Variants in IER5L observed in about 807,000 individuals in gnomAD.
IER5L encodes the protein immediate early response 5 like.
In IER5L, 6 loss-of-function variants were observed where a neutral mutation model predicts 28.3. That is an observed-to-expected ratio of 0.21 (90% confidence interval 0.12 to 0.42). The LOEUF (loss-of-function observed/expected upper bound fraction) is 0.42, where lower values mean the gene tolerates loss of function less well. Ranked by LOEUF, IER5L falls within the 10% of genes least tolerant of loss-of-function variation. The pLI is 1.00. For synonymous variants in IER5L, 351 were observed against 282.5 expected (o/e 1.24, Z -2.43); for missense variants, 607 against 575.2 (o/e 1.06, Z -0.56).
At position 129,176,566 on chromosome 9, in the gene IER5L, A is replaced by G. The variant is rs1829400294; in HGVS notation, c.*272T>C. 4.0e-6 allele frequency: 1 copy of G among 249,734 alleles called. No homozygotes were observed. The highest frequency in any genetic ancestry group is 7.4e-6 in the Non-Finnish European group (1 of 135,450). 15.5% of individuals were successfully genotyped at this position (249,734 alleles called of 1,614,324 possible). On this transcript the variant is annotated 3_prime_UTR_variant, in exon 1 of 1. Coordinates refer to ENST00000372491, the MANE Select transcript of IER5L (RefSeq NM_203434.3). The stretch of plus-strand genomic sequence containing the variant: ...TAGGCTCCTCGCTAAACACCACTGC[A>G]ATCACTACAATAAAAAGAAAAAAAG...
chr9:129,177,132 G>T lies in IER5L; in HGVS notation c.921C>A (p.Gly307=). 1 of 1,468,878 alleles carries T rather than the reference G, an allele frequency of 6.8e-7. No individual in the cohort carries two copies. Among genetic ancestry groups the T allele is most frequent in the South Asian group, 1.4e-5 (1 of 71,004 alleles). 91.0% of individuals were successfully genotyped at this position (1,468,878 alleles called of 1,614,324 possible). A position where few individuals can be genotyped will look rare whatever the true frequency, so the allele number is the denominator to read the frequency against. The part of the protein sequence containing the change: ...AAGCKRKYYP[G]QEEEEDDEED... Reference sequence around the variant, plus strand: ...CCTCGTCGTCTTCCTCCTCCTCCTGGCCAGGGTAATACTTGCGCTTGCAGC... The same window carrying T: ...CCTCGTCGTCTTCCTCCTCCTCCTGTCCAGGGTAATACTTGCGCTTGCAGC... The change falls in exon 1 of 1, where the codon GGC becomes GGA. Residue 307 remains glycine, a synonymous_variant. Coordinates refer to ENST00000372491, the MANE Select transcript of IER5L (RefSeq NM_203434.3).
Position 129,177,598 on chromosome 9 carries a change from G to A in IER5L, c.455C>T (p.Ala152Val), listed in dbSNP as rs1189442217. The A allele has an allele frequency of 7.9e-5, 80 of 1,006,680 alleles. No individual in the cohort carries two copies. The highest frequency in any genetic ancestry group is 9.2e-5 in the Non-Finnish European group (78 of 850,406). The allele number at this position is 1,006,680 out of a possible 1,614,324, so 62.4% of individuals were successfully genotyped here. The change falls in exon 1 of 1, where the codon GCG becomes GTG. Residue 152 changes from alanine to valine, a missense_variant. Physicochemically the swap from Ala to Val is moderately conservative, Grantham distance 64 (BLOSUM62 0). Coordinates refer to ENST00000372491, the MANE Select transcript of IER5L (RefSeq NM_203434.3). ...GGCGCACCCGGGCAGCTCCGAGAGC[G>A]CCCCCGCGCCGCCCGCGGGCGCTCC... is the stretch of plus-strand genomic sequence containing the variant. ...AAGAPAGGAG[A>V]LSELPGCAAL...
At position 129,176,619 on chromosome 9, in the gene IER5L, A is replaced by C. The variant is rs1829401156; in HGVS notation, c.*219T>G. On this transcript the variant is annotated 3_prime_UTR_variant, in exon 1 of 1. Coordinates refer to ENST00000372491, the MANE Select transcript of IER5L (RefSeq NM_203434.3). The stretch of plus-strand genomic sequence containing the variant: ...GTAGGAGAAACACAAAGCATACTTA[A>C]ATAGGCGCTTTTTCTCTCTGCAAAA... 1.8e-6 allele frequency: 1 copy of C among 544,336 alleles called. No homozygotes were observed. The highest frequency in any genetic ancestry group is 4.2e-5 in the Admixed American group (1 of 23,560). 33.7% of individuals were successfully genotyped at this position (544,336 alleles called of 1,614,324 possible).
chr9:129,177,307 T>A lies in IER5L; in HGVS notation c.746A>T (p.His249Leu), dbSNP rs1200714445. Residue 249 changes from histidine (H) to leucine (L), a missense_variant, in exon 1 of 1, where the codon CAC becomes CTC. Transcript: ENST00000372491. ...AYPTPSDFGL[H>L]CSSQTTVLDL... Reference sequence around the variant, plus strand: ...CAGCACGGTGGTCTGGCTGCTGCAGTGCAAGCCGAAGTCCGAAGGGGTAGG... The same window carrying A: ...CAGCACGGTGGTCTGGCTGCTGCAGAGCAAGCCGAAGTCCGAAGGGGTAGG... 1 of 1,422,096 alleles carries A rather than the reference T, an allele frequency of 7.0e-7. No homozygotes were observed. Among genetic ancestry groups the A allele is most frequent in the African/African-American group, 1.5e-5 (1 of 67,204 alleles). 88.1% of individuals were successfully genotyped at this position (1,422,096 alleles called of 1,614,324 possible). A position where few individuals can be genotyped will look rare whatever the true frequency, so the allele number is the denominator to read the frequency against.
Position 129,176,717 on chromosome 9 carries a change from TCGCCCC to T in IER5L, c.*115_*120del. The T allele has an allele frequency of 8.0e-7, 1 of 1,243,352 alleles. No individual in the cohort carries two copies. The highest frequency in any genetic ancestry group is 1.6e-5 in the African/African-American group (1 of 63,328). The allele number at this position is 1,243,352 out of a possible 1,614,324, so 77.0% of individuals were successfully genotyped here. A position where few individuals can be genotyped will look rare whatever the true frequency, so the allele number is the denominator to read the frequency against. On this transcript the variant is annotated 3_prime_UTR_variant, in exon 1 of 1. Coordinates refer to ENST00000372491, the MANE Select transcript of IER5L (RefSeq NM_203434.3). The stretch of plus-strand genomic sequence containing the variant: ...TAAAACATCAGCCGCCTGCCCCCGC[TCGCCCC>T]CAGCTCAGCCCCGAGTGGCCCGGCG...
rs1234242821 is a variant in IER5L, at chr9:129,175,918, G to C, written c.*920C>G. On this transcript the variant is annotated 3_prime_UTR_variant, in exon 1 of 1. Coordinates refer to ENST00000372491, the MANE Select transcript of IER5L (RefSeq NM_203434.3). The surrounding 1 kb of genome is among the most constrained non-coding windows in gnomAD (Gnocchi z 5.2). ...AACACCACAGCTGACCAGGAACTTA[G>C]TGCAAAGTCTCCAACGCAGTCGGCG... The C allele has an allele frequency of 6.6e-6, 1 of 152,290 alleles. No homozygotes were observed. Among genetic ancestry groups the C allele is most frequent in the Non-Finnish European group, 1.5e-5 (1 of 68,074 alleles). The allele number at this position is 152,290 out of a possible 1,614,324, so 9.4% of individuals were successfully genotyped here.
rs1450658132 is a variant in IER5L, at chr9:129,176,308, T to C, written c.*530A>G. The C allele has an allele frequency of 6.6e-6, 1 of 152,172 alleles. No homozygotes were observed. The highest frequency in any genetic ancestry group is 2.1e-4 in the South Asian group (1 of 4,824). The allele number at this position is 152,172 out of a possible 1,614,324, so 9.4% of individuals were successfully genotyped here. ...GTGACCCAAACGTCCCTTTCGGAGA[T>C]AGAGTTTGCCTTTGTTTTTGCTCAG... is the stretch of plus-strand genomic sequence containing the variant. On this transcript the variant is annotated 3_prime_UTR_variant, in exon 1 of 1. Coordinates refer to ENST00000372491, the MANE Select transcript of IER5L (RefSeq NM_203434.3).
At position 129,177,810 on chromosome 9, in the gene IER5L, G is replaced by T; in HGVS notation, c.243C>A (p.Gly81=). ...QHQHLAYAAP[G]MPASAADFGP... ...CGAAGTCGGCCGCGCTGGCCGGCATGCCCGGCGCCGCGTACGCTAGGTGCT... is the reference window on the plus strand; with the variant it reads ...CGAAGTCGGCCGCGCTGGCCGGCATTCCCGGCGCCGCGTACGCTAGGTGCT... Residue 81 remains glycine, a synonymous_variant, in exon 1 of 1, where the codon GGC becomes GGA. Coordinates refer to ENST00000372491, the MANE Select transcript of IER5L (RefSeq NM_203434.3). 1 of 1,511,086 alleles carries T rather than the reference G, an allele frequency of 6.6e-7. No individual in the cohort carries two copies. The allele number at this position is 1,511,086 out of a possible 1,614,324, so 93.6% of individuals were successfully genotyped here. A position where few individuals can be genotyped will look rare whatever the true frequency, so the allele number is the denominator to read the frequency against.
In IER5L at chr9:129,177,661, T is replaced by TGCTGGTGCTGGTGCA; in HGVS notation, c.377_391dup (p.Leu126_Gln130dup). ...CGCCGCGCAGCCCCTGGGCGCCGGGTGCTGGTGCTGGTGCAGCTGCTGCTG... is the reference window on the plus strand; with the variant it reads ...CGCCGCGCAGCCCCTGGGCGCCGGGTGCTGGTGCTGGTGCAGCTGGTGCTGGTGCAGCTGCTGCTG... On this transcript the variant is annotated inframe_insertion, in exon 1 of 1. Coordinates refer to ENST00000372491, the MANE Select transcript of IER5L (RefSeq NM_203434.3). 1 of 1,349,436 alleles carries TGCTGGTGCTGGTGCA rather than the reference T, an allele frequency of 7.4e-7. No homozygotes were observed. Among genetic ancestry groups the TGCTGGTGCTGGTGCA allele is most frequent in the South Asian group, 1.8e-5 (1 of 56,976 alleles). 83.6% of individuals were successfully genotyped at this position (1,349,436 alleles called of 1,614,324 possible).
rs992076281 is a variant in IER5L at position 129,178,226 on chromosome 9, G to A, written c.-174C>T. The A allele has an allele frequency of 3.4e-5, 17 of 496,734 alleles. No individual in the cohort carries two copies. The highest frequency in any genetic ancestry group is 1.1e-4 in the South Asian group (2 of 18,072). The allele number at this position is 496,734 out of a possible 1,614,324, so 30.8% of individuals were successfully genotyped here. A position where few individuals can be genotyped will look rare whatever the true frequency, so the allele number is the denominator to read the frequency against. Reference sequence around the variant, plus strand: ...CACCATGCGCCGCGCGCCACCCGCGGGCTCGCGCTCCCCAGACGGCGCCAA... The same window carrying A: ...CACCATGCGCCGCGCGCCACCCGCGAGCTCGCGCTCCCCAGACGGCGCCAA... On this transcript the variant is annotated 5_prime_UTR_variant, in exon 1 of 1. Transcript: ENST00000372491.
At position 129,176,608 on chromosome 9, in the gene IER5L, A is replaced by C; in HGVS notation, c.*230T>G. On this transcript the variant is annotated 3_prime_UTR_variant, in exon 1 of 1. Coordinates refer to ENST00000372491, the MANE Select transcript of IER5L (RefSeq NM_203434.3). ...GAAAAAAAGGAGTAGGAGAAACACA[A>C]AGCATACTTAAATAGGCGCTTTTTC... 1 of 476,022 alleles carries C rather than the reference A, an allele frequency of 2.1e-6. No individual in the cohort carries two copies. The highest frequency in any genetic ancestry group is 3.4e-6 in the Non-Finnish European group (1 of 291,712). 29.5% of individuals were successfully genotyped at this position (476,022 alleles called of 1,614,324 possible).
Position 129,177,117 on chromosome 9 carries a change from T to G in IER5L, c.936A>C (p.Glu312Asp). 18 of 1,460,838 alleles carry G rather than the reference T, an allele frequency of 1.2e-5. No homozygotes were observed. Among genetic ancestry groups the G allele is most frequent in the Middle Eastern group, 3.7e-4 (2 of 5,478 alleles). 90.5% of individuals were successfully genotyped at this position (1,460,838 alleles called of 1,614,324 possible). The change falls in exon 1 of 1, where the codon GAA becomes GAC. Residue 312 changes from glutamate (E) to aspartate (D), a missense_variant. Physicochemically the swap from Glu to Asp is conservative, Grantham distance 45. Coordinates refer to ENST00000372491, the MANE Select transcript of IER5L (RefSeq NM_203434.3). ...GCCCGCCCGCATCCTCCTCGTCGTC[T>G]TCCTCCTCCTCCTGGCCAGGGTAAT... ...RKYYPGQEEE[E>D]DDEEDAGGLG...
At position 129,176,636 on chromosome 9, in the gene IER5L, T is replaced by C. The variant is rs897766753; in HGVS notation, c.*202A>G. ...CATACTTAAATAGGCGCTTTTTCTCTCTGCAAAAATAAAGTCCAAGATTTT... is the reference window on the plus strand; with the variant it reads ...CATACTTAAATAGGCGCTTTTTCTCCCTGCAAAAATAAAGTCCAAGATTTT... On this transcript the variant is annotated 3_prime_UTR_variant, in exon 1 of 1. Coordinates refer to ENST00000372491, the MANE Select transcript of IER5L (RefSeq NM_203434.3). The C allele has an allele frequency of 3.8e-5, 26 of 686,402 alleles. No homozygotes were observed. The African/African-American group carries it at 4.5e-4, about 12-fold the overall frequency. The allele number at this position is 686,402 out of a possible 1,614,324, so 42.5% of individuals were successfully genotyped here. A position where few individuals can be genotyped will look rare whatever the true frequency, so the allele number is the denominator to read the frequency against.
chr9:129,177,597 CGCCCCCGCGCCGCCCGCGGGCGCTCCG>C lies in IER5L; in HGVS notation c.429_455del (p.Gly144_Ala152del), dbSNP rs976485520. On this transcript the variant is annotated inframe_deletion, in exon 1 of 1. Coordinates refer to ENST00000372491, the MANE Select transcript of IER5L (RefSeq NM_203434.3). ...CGGCGCACCCGGGCAGCTCCGAGAG[CGCCCCCGCGCCGCCCGCGGGCGCTCCG>C]GCCGCCGCCGCCGCCGCGCAGCCCC... 5 of 1,009,386 alleles carry C rather than the reference CGCCCCCGCGCCGCCCGCGGGCGCTCCG, an allele frequency of 5.0e-6. No individual in the cohort carries two copies. Among genetic ancestry groups the C allele is most frequent in the South Asian group, 8.9e-5 (2 of 22,470 alleles). 62.5% of individuals were successfully genotyped at this position (1,009,386 alleles called of 1,614,324 possible).
chr9:129,176,660 T>C lies in IER5L; in HGVS notation c.*178A>G. 2.3e-6 allele frequency: 2 copies of C among 880,048 alleles called. No homozygotes were observed. Among genetic ancestry groups the C allele is most frequent in the East Asian group, 3.3e-5 (1 of 29,970 alleles). 54.5% of individuals were successfully genotyped at this position (880,048 alleles called of 1,614,324 possible). A position where few individuals can be genotyped will look rare whatever the true frequency, so the allele number is the denominator to read the frequency against. On this transcript the variant is annotated 3_prime_UTR_variant, in exon 1 of 1. Transcript: ENST00000372491. ...CTCTGCAAAAATAAAGTCCAAGATTTTAGATTTCTTTTTTTTTTATTTTAC... is the reference window on the plus strand; with the variant it reads ...CTCTGCAAAAATAAAGTCCAAGATTCTAGATTTCTTTTTTTTTTATTTTAC...
In IER5L at chr9:129,176,932, G is replaced by T. The variant is rs775779772; in HGVS notation, c.1121C>A (p.Ser374Tyr). Residue 374 changes from serine (S) to tyrosine (Y), a missense_variant, in exon 1 of 1, where the codon TCC becomes TAC. By Grantham distance (144) the Ser-to-Tyr change is moderately radical. Transcript: ENST00000372491. ...GTTGAGCGGCGGCGGCTGCTCCGAG[G>T]AGTCCGGCTGTCGGCTCACCAGCCC... ...FSGLVSRQPD[S>Y]SEQPPPLNGQ... 5.0e-6 allele frequency: 8 copies of T among 1,604,934 alleles called. No homozygotes were observed. Among genetic ancestry groups the T allele is most frequent in the Middle Eastern group, 1.7e-4 (1 of 6,028 alleles).
Position 129,178,239 on chromosome 9 carries a change from C to G in IER5L, c.-187G>C. The G allele has an allele frequency of 2.2e-6, 1 of 457,176 alleles. No individual in the cohort carries two copies. 28.3% of individuals were successfully genotyped at this position (457,176 alleles called of 1,614,324 possible). A position where few individuals can be genotyped will look rare whatever the true frequency, so the allele number is the denominator to read the frequency against. On this transcript the variant is annotated 5_prime_UTR_variant, in exon 1 of 1. Transcript: ENST00000372491. ...GCGCCACCCGCGGGCTCGCGCTCCCCAGACGGCGCCAAAGCAATGAGTCTC... is the reference window on the plus strand; with the variant it reads ...GCGCCACCCGCGGGCTCGCGCTCCCGAGACGGCGCCAAAGCAATGAGTCTC...
rs1829438658 is a variant in IER5L at position 129,177,853 on chromosome 9, G to C, written c.200C>G (p.Pro67Arg). The C allele has an allele frequency of 1.3e-6, 2 of 1,539,892 alleles. No homozygotes were observed. The highest frequency in any genetic ancestry group is 1.4e-5 in the African/African-American group (1 of 71,630). The change falls in exon 1 of 1, where the codon CCG becomes CGG. Residue 67 changes from proline to arginine, a missense_variant. Coordinates refer to ENST00000372491, the MANE Select transcript of IER5L (RefSeq NM_203434.3). ...RRQQQQQQQQ[P>R]PHHQHQHLAY... Reference sequence around the variant, plus strand: ...TAGGTGCTGGTGCTGGTGGTGGGGCGGCTGCTGCTGTTGCTGCTGCTGCTG... The same window carrying C: ...TAGGTGCTGGTGCTGGTGGTGGGGCCGCTGCTGCTGTTGCTGCTGCTGCTG...
rs1347266096 is a variant in IER5L, at chr9:129,177,844, T to C, written c.209A>G (p.His70Arg). ...CGCGTACGCTAGGTGCTGGTGCTGG[T>C]GGTGGGGCGGCTGCTGCTGTTGCTG... ...QQQQQQQPPH[H>R]QHQHLAYAAP... is the part of the protein sequence containing the mutation. Residue 70 changes from histidine (H) to arginine (R), a missense_variant, in exon 1 of 1, where the codon CAC becomes CGC. Physicochemically the swap from His to Arg is conservative, Grantham distance 29. Coordinates refer to ENST00000372491, the MANE Select transcript of IER5L (RefSeq NM_203434.3). The C allele has an allele frequency of 1.3e-6, 2 of 1,538,346 alleles. No individual in the cohort carries two copies. The highest frequency in any genetic ancestry group is 1.4e-5 in the African/African-American group (1 of 71,370).
Sources: allele counts gnomAD v4.1 joint callset, GRCh38; gene constraint gnomAD v4.1.1; non-coding constraint Gnocchi (gnomAD v3.1); transcripts MANE v1.5; gene names NCBI Gene and HGNC (gene_info 2026-07-23, HGNC 2026-07-21).